Variants in CEP63 observed in about 807,000 individuals in gnomAD.
CEP63 encodes centrosomal protein of 63 kDa.
Under a neutral mutation model 89.1 loss-of-function variants are expected in CEP63, and 84 were observed. The observed-to-expected ratio is 0.94, with a 90% confidence interval of 0.79 to 1.13. The LOEUF (loss-of-function observed/expected upper bound fraction) is 1.13. CEP63 is among the 50% of genes most tolerant of loss of function. The probability of loss-of-function intolerance (pLI) is 0.00; values close to 1 mark genes in which losing one functional copy is unlikely to be tolerated. For missense variants in CEP63, 838 were observed against 813.3 expected (o/e 1.03, Z -0.37); for synonymous variants, 267 against 272.5 (o/e 0.98, Z 0.20).
intron 1 of CEP63, among the ~76,000 whole-genome samples, chr3:134,495,005 C>G (rs1256869678): frequency 6.6e-6 from 1 of 152,200 alleles, no homozygotes; most frequent in Non-Finnish European, 1.5e-5. Context: ...ACCTCCACCC[C>G]TGCTCACCCG....
chr3:134,666,308 C>T, the CEP63 span, among the ~76,000 whole-genome samples: 1 of 152,206 alleles, frequency 6.6e-6, no homozygotes, highest in Non-Finnish European at 1.5e-5. Flanking sequence ...GGGGCATGTG[C>T]AAATGCAGGT....
chr3:134,647,467 C>G, the CEP63 span: 2 of 1,612,486 alleles, frequency 1.2e-6, no homozygotes, highest in South Asian at 2.2e-5. Context: ...TTTCTGCCAT[C>G]TTCGGACTCC....
At chr3:134,495,983 A>G (rs1939756792) in intron 2 of CEP63, among the ~76,000 whole-genome samples, 1 of 152,194 alleles carries the variant, frequency 6.6e-6, no homozygotes, top group Admixed American at 6.5e-5. Context: ...GCTGTTGGAC[A>G]CTCAAGTCAA....
At position 134,511,773 on chromosome 3, in the gene CEP63, A is replaced by G. The variant is rs772213248; in HGVS notation, c.222+4487A>G. ...GAACCAGATCTCATGAGAATTCACT[A>G]TCACAAGAACAGCAAGGGGGAAGTC... On this transcript the variant is annotated intron_variant, in intron 3 of 14. Coordinates refer to ENST00000675561, the MANE Select transcript of CEP63 (RefSeq NM_001353108.3). Among the ~76,000 whole-genome samples, 125 of 152,140 alleles carry G rather than the reference A, an allele frequency of 8.2e-4. 1 individual carries two copies. Among genetic ancestry groups the G allele is most frequent in the Non-Finnish European group, 1.6e-3 (107 of 68,014 alleles).
At chr3:134,548,166 A>G (rs1014624813) in intron 9 of CEP63, among the ~76,000 whole-genome samples, 1 of 152,136 alleles carries the variant, frequency 6.6e-6, no homozygotes, top group Non-Finnish European at 1.5e-5. Flanking sequence ...CCTTAATCCT[A>G]TGTCTCCGTC....
the CEP63 span, among the ~76,000 whole-genome samples, chr3:134,738,209 G>A: frequency 1.3e-5 from 2 of 151,068 alleles, no homozygotes; most frequent in African/African-American, 4.9e-5. Context: ...TGGAAATGCT[G>A]TTAATTCATT....
intron 5 of CEP63, among the ~76,000 whole-genome samples, chr3:134,534,604 G>A (rs1466962875): frequency 1.3e-5 from 2 of 152,040 alleles, no homozygotes; most frequent in Non-Finnish European, 2.9e-5. Context: ...CTCCTCTCTT[G>A]CTTCCTCATA....
At chr3:134,602,510 C>A in the CEP63 span, among the ~76,000 whole-genome samples, 1,116 of 152,302 alleles carry the variant, frequency 7.3e-3, 4 homozygotes, top group Non-Finnish European at 0.011. Flanking sequence ...TCTTCCCAGC[C>A]CTGGCTTTGC....
At chr3:134,765,639 T>C in the CEP63 span, among the ~76,000 whole-genome samples, 1 of 152,158 alleles carries the variant, frequency 6.6e-6, no homozygotes, top group African/African-American at 2.4e-5. Context: ...TGTCATGGTG[T>C]CATATGGAAA....
the CEP63 span, among the ~76,000 whole-genome samples, chr3:134,672,462 T>A: frequency 3.3e-5 from 5 of 152,204 alleles, no homozygotes; most frequent in African/African-American, 1.2e-4. Context: ...AAGGAGAATA[T>A]GGTTGCTAAA....
At chr3:134,664,101 C>T in the CEP63 span, among the ~76,000 whole-genome samples, 1 of 152,118 alleles carries the variant, frequency 6.6e-6, no homozygotes, top group Non-Finnish European at 1.5e-5. Context: ...CTGCTCTGGC[C>T]TCCTCCGGCA....
At chr3:134,503,606 C>T (rs1942664829) in intron 2 of CEP63, among the ~76,000 whole-genome samples, 1 of 152,002 alleles carries the variant, frequency 6.6e-6, no homozygotes, top group South Asian at 2.1e-4. Flanking sequence ...AAGTGGGGTA[C>T]CGAAGTCCCC....
exon 11 of CEP63, among the ~76,000 whole-genome samples, chr3:134,587,617 T>C (rs1400782455): frequency 6.6e-6 from 1 of 152,120 alleles, no homozygotes; most frequent in Non-Finnish European, 1.5e-5. Context: ...TGTCGGCCCC[T>C]ACTGGGAGGT....
At chr3:134,572,013 G>A (rs958804114) in intron 11 of CEP63, among the ~76,000 whole-genome samples, 7 of 152,214 alleles carry the variant, frequency 4.6e-5, no homozygotes, top group Non-Finnish European at 8.8e-5. Flanking sequence ...GTACATTTCA[G>A]TCAGAGGTTA....
At chr3:134,710,707 T>A in the CEP63 span, among the ~76,000 whole-genome samples, 1 of 141,884 alleles carries the variant, frequency 7.0e-6, no homozygotes, top group Non-Finnish European at 1.5e-5. Context: ...TATCCATTCC[T>A]TTTTTTTTCT....
chr3:134,511,925 A>G (rs1945063105), intron 3 of CEP63, among the ~76,000 whole-genome samples: 2 of 152,222 alleles, frequency 1.3e-5, no homozygotes, highest in Admixed American at 1.3e-4. Context: ...TGAAAGGTAC[A>G]GACCTAGAAG....
the CEP63 span, chr3:134,603,667 CCAGCTGTGCTG>C: frequency 6.2e-7 from 1 of 1,613,714 alleles, no homozygotes; most frequent in African/African-American, 1.3e-5. Flanking sequence ...TTCCTGGCAG[CCAGCTGTGCTG>C]CAGCTTCCCT....
At position 134,546,268 on chromosome 3, in the gene CEP63, A is replaced by G. The variant is rs751775921; in HGVS notation, c.909A>G (p.Gln303=). Residue 303 remains glutamine, a synonymous_variant, in exon 8 of 15, where the codon CAA becomes CAG. Transcript: ENST00000675561. ...LQEKVKATNT[Q]HAVEAIRPRE... ...AAAAAGTAAAGGCAACTAACACTCA[A>G]CATGCTGTAGAAGCTATAAGGTAAA... 6 of 1,613,606 alleles carry G rather than the reference A, an allele frequency of 3.7e-6. No homozygotes were observed. In the South Asian group the frequency reaches 5.5e-5, roughly 15 times the overall value.
chr3:134,636,753 A>G, the CEP63 span, among the ~76,000 whole-genome samples: 1 of 152,238 alleles, frequency 6.6e-6, no homozygotes, highest in Non-Finnish European at 1.5e-5. Context: ...AAAATAGATC[A>G]CATATTCACT....
Sources: gnomAD v4.1 joint callset for allele counts (sites outside exome capture counted in the v4.1 genomes callset) on GRCh38, gnomAD v4.1.1 for gene constraint, MANE v1.5 for transcripts, NCBI Gene and HGNC (gene_info 2026-07-23, HGNC 2026-07-21) for gene names.